The following CTNND2 variants were observed in gnomAD, a reference collection of about 807,000 sequenced individuals.
The protein encoded by CTNND2 is catenin delta 2.
In CTNND2, 22 loss-of-function variants were observed where a neutral mutation model predicts 144.4. That is an observed-to-expected ratio of 0.15 (90% CI 0.11 to 0.22). The LOEUF is 0.22. Among genes scored for constraint, CTNND2 ranks in the 10% least tolerant of loss-of-function variants. CTNND2 has a pLI of 1.00. For missense variants in CTNND2, 1,353 were observed against 1,618.8 expected (o/e 0.84, Z 2.82); for synonymous variants, 751 against 695.6 (o/e 1.08, Z -1.25).
At position 11,236,786 on chromosome 5, in the gene CTNND2, T is replaced by C; in HGVS notation, c.1666A>G (p.Ile556Val). The C allele has an allele frequency of 6.2e-7, 1 of 1,614,150 alleles. No individual in the cohort carries two copies. The highest frequency in any genetic ancestry group is 8.5e-7 in the Non-Finnish European group (1 of 1,180,022). Residue 556 changes from isoleucine (I) to valine (V), a missense_variant, in exon 10 of 22, where the codon ATT becomes GTT. Ile to Val is a conservative substitution (Grantham distance 29). This residue lies in a region of CTNND2 where 69 missense variants were observed against 120.3 expected (regional missense o/e 0.57). Coordinates refer to ENST00000304623, the MANE Select transcript of CTNND2 (RefSeq NM_001332.4). ...GWRDPELPEV[I>V]QMLQHQFPSV... ...GGAAACTGGTGCTGCAACATCTGAA[T>C]CACTTCCGGCAGTTCCGGGTCTCTC...
intron 12 of CTNND2, among the ~76,000 whole-genome samples, chr5:11,128,864 AAT>A (rs1471439080): frequency 3.0e-5 from 2 of 67,742 alleles, no homozygotes; most frequent in African/African-American, 1.1e-4. Context: ...TAATATATAT[AAT>A]ATATAAATAT....
intron 2 of CTNND2, among the ~76,000 whole-genome samples, chr5:11,672,666 C>T (rs1400755238): frequency 4.6e-5 from 7 of 152,266 alleles, no homozygotes; most frequent in Non-Finnish European, 2.9e-5. Context: ...GACTGCTATG[C>T]TAGCAGTGAG....
At position 11,599,311 on chromosome 5, in the gene CTNND2, T is replaced by A. The variant is rs901139753; in HGVS notation, c.175-34255A>T. On this transcript the variant is annotated intron_variant, in intron 2 of 21. Transcript: ENST00000304623. ...ATATTTCCTGGAAAACTAAAAAAAATTAATAATAAGGGTTAAAGGAGGAAA... is the reference window on the plus strand; with the variant it reads ...ATATTTCCTGGAAAACTAAAAAAAAATAATAATAAGGGTTAAAGGAGGAAA... Among the ~76,000 whole-genome samples the A allele has an allele frequency of 7.9e-5, 12 of 152,192 alleles. No homozygotes were observed. The East Asian group carries it at 1.5e-3, about 20-fold the overall frequency.
chr5:11,250,856 C>T (rs960686606), intron 9 of CTNND2, among the ~76,000 whole-genome samples: 1 of 152,020 alleles, frequency 6.6e-6, no homozygotes, highest in African/African-American at 2.4e-5. Context: ...GAGGGGTACA[C>T]AGGGCAGATG....
Position 11,087,841 on chromosome 5 carries a change from T to G in CTNND2, c.2638-4995A>C, listed in dbSNP as rs536827271. On this transcript the variant is annotated intron_variant, in intron 15 of 21. Transcript: ENST00000304623. ...AATTTTAGCCCATATGTTTATGCAA[T>G]GCTCAAAATATTAATGTACAGGCAA... Among the ~76,000 whole-genome samples the G allele has an allele frequency of 3.9e-4, 59 of 152,312 alleles. 1 individual carries two copies. The South Asian group carries it at 0.012, about 31-fold the overall frequency.
At chr5:11,863,803 T>C (rs1323963929) in intron 1 of CTNND2, among the ~76,000 whole-genome samples, 1 of 152,226 alleles carries the variant, frequency 6.6e-6, no homozygotes, top group Non-Finnish European at 1.5e-5. Context: ...TTTAACAGTC[T>C]GATGCAGTGT....
chr5:11,444,351 G>A (rs1204411499), intron 3 of CTNND2, among the ~76,000 whole-genome samples: 2 of 152,096 alleles, frequency 1.3e-5, no homozygotes, highest in Non-Finnish European at 2.9e-5. Context: ...AGGCTTCAAT[G>A]AGCCACGAAA....
chr5:11,646,800 G>A (rs1393746025), intron 2 of CTNND2, among the ~76,000 whole-genome samples: 1 of 152,148 alleles, frequency 6.6e-6, no homozygotes, highest in Non-Finnish European at 1.5e-5. Context: ...CCTGCAGAAC[G>A]TCTGCAGATC....
chr5:11,276,344 G>T (rs1235439713), intron 9 of CTNND2, among the ~76,000 whole-genome samples: 1 of 152,110 alleles, frequency 6.6e-6, no homozygotes, highest in East Asian at 1.9e-4. Flanking sequence ...ACTGTGTCTG[G>T]GGCATCCCCA....
At chr5:11,095,733 G>C (rs1456071560) in intron 15 of CTNND2, among the ~76,000 whole-genome samples, 2 of 152,160 alleles carry the variant, frequency 1.3e-5, no homozygotes, top group African/African-American at 2.4e-5. Context: ...GTGTTTAGAT[G>C]TGGCGCAGTT....
chr5:11,798,340 C>T lies in CTNND2; in HGVS notation c.38-66068G>A, dbSNP rs75740042. Among the ~76,000 whole-genome samples, 1,162 of 151,330 alleles carry T rather than the reference C, an allele frequency of 7.7e-3. 8 individuals carry two copies. The highest frequency in any genetic ancestry group is 0.027 in the African/African-American group (1,104 of 41,272). On this transcript the variant is annotated intron_variant, in intron 1 of 21. Coordinates refer to ENST00000304623, the MANE Select transcript of CTNND2 (RefSeq NM_001332.4). ...CTTTAAATTTTAAATATTGTAAATG[C>T]TATTTTCTTTTAGTGGGGAACTATT...
chr5:11,538,549 G>A (rs115581809), intron 3 of CTNND2, among the ~76,000 whole-genome samples: 1 of 152,272 alleles, frequency 6.6e-6, no homozygotes, highest in Non-Finnish European at 1.5e-5. Context: ...GAGTAACTGT[G>A]GCTGCTTCTG....
chr5:11,019,585 A>C (rs1742020256), intron 17 of CTNND2, among the ~76,000 whole-genome samples: 1 of 152,256 alleles, frequency 6.6e-6, no homozygotes, highest in Non-Finnish European at 1.5e-5. Flanking sequence ...TTATACTAAC[A>C]TGTGAAGGTT....
At chr5:11,353,062 CTTTTTTTTTTT>C (rs35251702) in intron 8 of CTNND2, among the ~76,000 whole-genome samples, 1 of 125,476 alleles carries the variant, frequency 8.0e-6, no homozygotes, top group African/African-American at 2.9e-5. Context: ...GATACACAGT[CTTTTTTTTTTT>C]TTTTTTTTTA....
intron 3 of CTNND2, among the ~76,000 whole-genome samples, chr5:11,443,405 G>T (rs111642416): frequency 0.21 from 11,505 of 54,524 alleles, 2,239 homozygotes; most frequent in African/African-American, 0.57. Context: ...TGTGTGTGTG[G>T]GGGGGGTGTG....
chr5:11,720,214 T>TA (rs370050857), intron 2 of CTNND2, among the ~76,000 whole-genome samples: 6 of 151,906 alleles, frequency 3.9e-5, no homozygotes, highest in African/African-American at 1.2e-4. Context: ...TTTTTTCCAT[T>TA]AAAAAAAAGT....
intron 16 of CTNND2, among the ~76,000 whole-genome samples, chr5:11,029,654 A>C (rs1263824377): frequency 6.6e-6 from 1 of 152,246 alleles, no homozygotes; most frequent in Non-Finnish European, 1.5e-5. Context: ...TTTAAAAACG[A>C]ATTATGTAGA....
chr5:11,022,620 TG>T, intron 17 of CTNND2, 148 bp downstream of exon 17: 1 of 662,712 alleles, frequency 1.5e-6, no homozygotes, highest in Non-Finnish European at 2.7e-6. Context: ...GAGAGAAGAC[TG>T]GAAACCATTT....
intron 9 of CTNND2, among the ~76,000 whole-genome samples, chr5:11,296,561 T>C (rs994635019): frequency 3.9e-5 from 6 of 152,112 alleles, no homozygotes; most frequent in African/African-American, 1.4e-4. Flanking sequence ...CTATTCACAA[T>C]AGCAAAGACT....
Sources: gnomAD v4.1 joint callset for allele counts (sites outside exome capture counted in the v4.1 genomes callset) on GRCh38, gnomAD v4.1.1 for gene constraint, gnomAD v4.1.1 regional missense constraint, MANE v1.5 for transcripts, NCBI Gene and HGNC (gene_info 2026-07-23, HGNC 2026-07-21) for gene names.